Variants in PTPN14 observed in about 807,000 individuals in gnomAD.
PTPN14 encodes tyrosine-protein phosphatase non-receptor type 14.
Under a neutral mutation model 126.8 loss-of-function variants are expected in PTPN14, and 53 were observed. The ratio of observed to expected loss-of-function variants is 0.42; its 90% CI spans 0.34 to 0.53. PTPN14 has a LOEUF of 0.53. PTPN14 is among the 20% of genes least tolerant of loss of function. The pLI, the probability that PTPN14 is intolerant of heterozygous loss-of-function variation, is 0.08. For synonymous variants in PTPN14, 630 were observed against 599.3 expected, an observed-to-expected ratio of 1.05 and a Z score of -0.75; for missense variants, 1,257 against 1,552.9, an observed-to-expected ratio of 0.81 and a Z score of 3.20.
intron 5 of PTPN14, 133 bp from the exon 6 acceptor site, chr1:214,403,086 G>A: frequency 1.3e-6 from 1 of 797,736 alleles, no homozygotes; most frequent in South Asian, 1.8e-5. Flanking sequence ...TACTGCTGTA[G>A]AATTAAAGGT....
intron 1 of PTPN14, among the ~76,000 whole-genome samples, chr1:214,493,052 G>C (rs1322524233): frequency 2.0e-5 from 3 of 152,132 alleles, no homozygotes; most frequent in African/African-American, 7.2e-5. Flanking sequence ...GTTTTCAGAG[G>C]GGGGATGATC....
chr1:214,404,361 T>C (rs903226912), intron 5 of PTPN14, among the ~76,000 whole-genome samples: 2 of 152,210 alleles, frequency 1.3e-5, no homozygotes, highest in Admixed American at 6.5e-5. Flanking sequence ...TAGCCATCCA[T>C]TGAAATGACT....
At position 214,454,455 on chromosome 1, in the gene PTPN14, A is replaced by C. The variant is rs536620710; in HGVS notation, c.175-2481T>G. ...TCATTCCCATCCATCCAGATCATTA[A>C]ACCAGACCTGACCTCCACCCCAGAA... On this transcript the variant is annotated intron_variant, in intron 2 of 18. Transcript: ENST00000366956. Among the ~76,000 whole-genome samples, 18 of 152,272 alleles carry C rather than the reference A, an allele frequency of 1.2e-4. No homozygotes were observed. In the South Asian group the frequency reaches 3.7e-3, roughly 32 times the overall value.
At chr1:214,433,321 G>T (rs183346370) in intron 3 of PTPN14, among the ~76,000 whole-genome samples, 1 of 152,094 alleles carries the variant, frequency 6.6e-6, no homozygotes, top group African/African-American at 2.4e-5. Flanking sequence ...ACCAAGCAGA[G>T]GTGGAGCTTG....
At chr1:214,520,003 A>G (rs11801700) in intron 1 of PTPN14, among the ~76,000 whole-genome samples, 26,307 of 144,578 alleles carry the variant, frequency 0.18, 3,089 homozygotes, top group African/African-American at 0.34. Context: ...AGCTATGATC[A>G]TGCCACTGCA....
chr1:214,516,984 T>A (rs1039511407), intron 1 of PTPN14, among the ~76,000 whole-genome samples: 1 of 152,164 alleles, frequency 6.6e-6, no homozygotes, highest in African/African-American at 2.4e-5. Context: ...CAGTTCATGT[T>A]CCCTCTTTCC....
At chr1:214,368,349 G>A (rs1412129081) in intron 17 of PTPN14, among the ~76,000 whole-genome samples, 3 of 151,938 alleles carry the variant, frequency 2.0e-5, no homozygotes, top group Non-Finnish European at 4.4e-5. Flanking sequence ...TTACAGACAT[G>A]CGCCACCACA....
intron 1 of PTPN14, among the ~76,000 whole-genome samples, chr1:214,534,677 CA>C (rs1655655709): frequency 1.4e-5 from 2 of 147,798 alleles, no homozygotes; most frequent in South Asian, 4.3e-4. Context: ...CGCGCCACTG[CA>C]CTCCAGCCTG....
At chr1:214,526,318 G>C (rs1174233245) in intron 1 of PTPN14, among the ~76,000 whole-genome samples, 1 of 152,006 alleles carries the variant, frequency 6.6e-6, no homozygotes, top group East Asian at 1.9e-4. Flanking sequence ...ACAATAAAGT[G>C]ACTAACATTA....
In PTPN14 at chr1:214,485,774, A is replaced by G. The variant is rs575004969; in HGVS notation, c.-154-20817T>C. On this transcript the variant is annotated intron_variant, in intron 1 of 18. Coordinates refer to ENST00000366956, the MANE Select transcript of PTPN14 (RefSeq NM_005401.5). ...GGAGTCTCGCTCTGTCGCCCAGGCC[A>G]GAGTGCAGTGGCGCGATCTCAGCTC... Among the ~76,000 whole-genome samples, 411 of 151,414 alleles carry G rather than the reference A, an allele frequency of 2.7e-3. 5 individuals carry two copies. Among genetic ancestry groups the G allele is most frequent in the Middle Eastern group, 0.024 (7 of 292 alleles).
At chr1:214,387,001 G>T (rs1417513164) in intron 11 of PTPN14, 79 bp from the exon 12 acceptor site, 2 of 1,326,454 alleles carry the variant, frequency 1.5e-6, no homozygotes, top group African/African-American at 1.5e-5. Flanking sequence ...CCAGGCACAC[G>T]GCAGTCCCGC....
chr1:214,440,767 C>T (rs1232367288), intron 3 of PTPN14, among the ~76,000 whole-genome samples: 1 of 152,214 alleles, frequency 6.6e-6, no homozygotes, highest in Non-Finnish European at 1.5e-5. Flanking sequence ...GACCTAAATA[C>T]CTACAAGGCC....
At chr1:214,421,739 G>GT (rs1269998778) in intron 3 of PTPN14, among the ~76,000 whole-genome samples, 1 of 151,896 alleles carries the variant, frequency 6.6e-6, no homozygotes, top group Admixed American at 6.6e-5. Context: ...CTGAGCTGTC[G>GT]TAAGTGTGCG....
At chr1:214,538,165 G>T (rs2102479676) in intron 1 of PTPN14, among the ~76,000 whole-genome samples, 1 of 152,218 alleles carries the variant, frequency 6.6e-6, no homozygotes, top group South Asian at 2.1e-4. Context: ...ACATCAAAAT[G>T]CATTTATTAA....
At chr1:214,436,010 T>C (rs541078460) in intron 3 of PTPN14, among the ~76,000 whole-genome samples, 17 of 152,234 alleles carry the variant, frequency 1.1e-4, no homozygotes, top group African/African-American at 3.9e-4. Flanking sequence ...CCATCGGTGG[T>C]AGACTGGATA....
At chr1:214,471,270 G>A (rs77587137) in intron 1 of PTPN14, among the ~76,000 whole-genome samples, 5,254 of 152,234 alleles carry the variant, frequency 0.035, 129 homozygotes, top group Non-Finnish European at 0.056. Flanking sequence ...TCACTCGACT[G>A]AAGTTGAGCT....
chr1:214,451,501 C>T (rs1194958558), intron 3 of PTPN14, among the ~76,000 whole-genome samples: 1 of 151,986 alleles, frequency 6.6e-6, no homozygotes, highest in Non-Finnish European at 1.5e-5. Context: ...TCTTGCATGC[C>T]TATTTTACCC....
intron 1 of PTPN14, among the ~76,000 whole-genome samples, chr1:214,515,435 C>A (rs2102449740): frequency 6.6e-6 from 1 of 151,688 alleles, no homozygotes; most frequent in African/African-American, 2.4e-5. Context: ...GACTGTTTGA[C>A]TACTAAGGGT....
intron 18 of PTPN14, among the ~76,000 whole-genome samples, chr1:214,360,942 GT>G (rs375878227): frequency 5.9e-5 from 9 of 152,198 alleles, no homozygotes; most frequent in South Asian, 2.1e-4. Context: ...ATGAGATCCG[GT>G]TGTTTAAAAG....
Sources: gnomAD v4.1 joint callset for allele counts (sites outside exome capture counted in the v4.1 genomes callset) on GRCh38, gnomAD v4.1.1 for gene constraint, MANE v1.5 for transcripts, NCBI Gene and HGNC (gene_info 2026-07-23, HGNC 2026-07-21) for gene names.